Variants in THSD7A observed in about 807,000 individuals in gnomAD.
THSD7A encodes the protein thrombospondin type 1 domain containing 7A.
In THSD7A, 96 loss-of-function variants were observed where a neutral mutation model predicts 231.3. The observed-to-expected ratio is 0.41, with a 90% CI of 0.35 to 0.49. THSD7A has a LOEUF of 0.49. Among genes scored for constraint, THSD7A ranks in the 20% least tolerant of loss-of-function variants. The pLI, the probability that THSD7A is intolerant of heterozygous loss-of-function variation, is 0.05. For missense variants in THSD7A, 2,290 were observed against 2,070.2 expected (o/e 1.11, Z -2.06); for synonymous variants, 940 against 743.3 (o/e 1.26, Z -4.30).
intron 6 of THSD7A, among the ~76,000 whole-genome samples, chr7:11,538,997 C>T (rs1314054283): frequency 1.3e-5 from 2 of 152,136 alleles, no homozygotes; most frequent in Non-Finnish European, 2.9e-5. Context: ...TTTATTATTT[C>T]TTCAGTTCAC....
chr7:11,561,528 C>T (rs896776322), intron 4 of THSD7A, among the ~76,000 whole-genome samples: 1 of 152,016 alleles, frequency 6.6e-6, no homozygotes, highest in Non-Finnish European at 1.5e-5. Flanking sequence ...TATTTTAGTC[C>T]TCACAGAAAT....
At chr7:11,471,787 A>G (rs1583805546) in intron 8 of THSD7A, among the ~76,000 whole-genome samples, 1 of 152,234 alleles carries the variant, frequency 6.6e-6, no homozygotes, top group Admixed American at 6.5e-5. Flanking sequence ...TTTAACCTGC[A>G]TTCTTAACCA....
intron 1 of THSD7A, among the ~76,000 whole-genome samples, chr7:11,694,766 C>A (rs930688702): frequency 7.9e-5 from 12 of 151,538 alleles, no homozygotes; most frequent in Admixed American, 2.6e-4. Flanking sequence ...CCTATTCCAA[C>A]ATTTTTAACC....
At position 11,636,504 on chromosome 7, in the gene THSD7A, G is replaced by T. The variant is rs762116172; in HGVS notation, c.648C>A (p.His216Gln). 5.6e-6 allele frequency: 9 copies of T among 1,613,784 alleles called. No homozygotes were observed. In the Admixed American group the frequency reaches 1.5e-4, roughly 27 times the overall value. The change falls in exon 2 of 28, where the codon CAC becomes CAA. Residue 216 changes from histidine (H) to glutamine (Q), a missense_variant. Transcript: ENST00000423059. The surrounding 1 kb of genome is among the most constrained non-coding windows in gnomAD (Gnocchi z 10.0). ...CSKTCGSGLQ[H>Q]RTRHVVAPPQ... ...GGGGCGCCACCACATGACGCGTCCG[G>T]TGCTGGAGCCCGCTGCCGCAGGTCT...
chr7:11,697,414 A>G (rs1780436499), intron 1 of THSD7A, among the ~76,000 whole-genome samples: 1 of 151,368 alleles, frequency 6.6e-6, no homozygotes, highest in African/African-American at 2.4e-5. Context: ...TTCATATTTT[A>G]CAACTAAAAA....
intron 1 of THSD7A, among the ~76,000 whole-genome samples, chr7:11,690,352 T>A (rs1780193805): frequency 6.6e-6 from 1 of 151,740 alleles, no homozygotes; most frequent in African/African-American, 2.4e-5. Context: ...TAAATTAGGA[T>A]TAAGGCATAA....
chr7:11,802,094 G>A (rs1784292824), intron 1 of THSD7A, among the ~76,000 whole-genome samples: 1 of 152,076 alleles, frequency 6.6e-6, no homozygotes. Context: ...ATTTTCTCAA[G>A]GCTGAAATTT....
intron 1 of THSD7A, among the ~76,000 whole-genome samples, chr7:11,796,032 C>CTA (rs1784112672): frequency 1.3e-5 from 1 of 78,406 alleles, no homozygotes; most frequent in Non-Finnish European, 2.5e-5. Context: ...ATTAAATTAG[C>CTA]CATATATATA....
intron 1 of THSD7A, among the ~76,000 whole-genome samples, chr7:11,789,714 T>C (rs1012096534): frequency 6.6e-6 from 1 of 152,040 alleles, no homozygotes; most frequent in East Asian, 1.9e-4. Flanking sequence ...TTTACATCCA[T>C]TGGACAACTT....
At chr7:11,777,739 T>C (rs1395058467) in intron 1 of THSD7A, among the ~76,000 whole-genome samples, 1 of 152,172 alleles carries the variant, frequency 6.6e-6, no homozygotes, top group East Asian at 1.9e-4. Flanking sequence ...ATTAAATTAA[T>C]ATTTAACAGG....
intron 2 of THSD7A, among the ~76,000 whole-genome samples, chr7:11,619,025 T>C (rs910345257): frequency 2.6e-5 from 4 of 152,032 alleles, no homozygotes; most frequent in African/African-American, 4.8e-5. Flanking sequence ...ATTAAAAAAG[T>C]CTATTTCCAT....
chr7:11,385,930 C>T (rs1406683516), intron 23 of THSD7A, among the ~76,000 whole-genome samples: 3 of 152,150 alleles, frequency 2.0e-5, no homozygotes, highest in Admixed American at 6.6e-5. Context: ...CATATGTTCT[C>T]GTTGTTCAAC....
At chr7:11,594,038 G>A (rs1302113817) in intron 2 of THSD7A, among the ~76,000 whole-genome samples, 1 of 152,160 alleles carries the variant, frequency 6.6e-6, no homozygotes, top group Admixed American at 6.5e-5. Context: ...CTTAATCTGA[G>A]TGGACACCAT....
chr7:11,780,668 C>G (rs1783594264), intron 1 of THSD7A, among the ~76,000 whole-genome samples: 1 of 152,108 alleles, frequency 6.6e-6, no homozygotes, highest in Non-Finnish European at 1.5e-5. Context: ...CCCAGGGAAA[C>G]CATTTCCCAT....
chr7:11,680,433 A>T (rs1188200284), intron 1 of THSD7A, among the ~76,000 whole-genome samples: 1 of 152,182 alleles, frequency 6.6e-6, no homozygotes, highest in Non-Finnish European at 1.5e-5. Flanking sequence ...AATGGGAGAA[A>T]ATTTTTGCAA....
At chr7:11,766,616 T>A (rs1156232226) in intron 1 of THSD7A, among the ~76,000 whole-genome samples, 3 of 152,120 alleles carry the variant, frequency 2.0e-5, no homozygotes, top group Admixed American at 6.6e-5. Flanking sequence ...AATAAATATA[T>A]GAAACAAGCA....
intron 1 of THSD7A, among the ~76,000 whole-genome samples, chr7:11,778,112 C>A (rs571569145): frequency 7.0e-4 from 96 of 137,206 alleles, no homozygotes; most frequent in Non-Finnish European, 1.2e-3. Context: ...AGCCGAGATC[C>A]CGCCACTGCA....
chr7:11,640,736 TATA>T (rs1418539328), intron 1 of THSD7A, among the ~76,000 whole-genome samples: 1 of 152,092 alleles, frequency 6.6e-6, no homozygotes, highest in African/African-American at 2.4e-5. Flanking sequence ...CATATAAAAA[TATA>T]ATATTTTATT....
intron 4 of THSD7A, among the ~76,000 whole-genome samples, chr7:11,572,724 T>C (rs1025960091): frequency 1.3e-5 from 2 of 151,896 alleles, no homozygotes; most frequent in South Asian, 2.1e-4. Flanking sequence ...CAGGCTGGTC[T>C]CAAATTCCTG....
Sources: allele counts gnomAD v4.1 joint callset (sites outside exome capture counted in the v4.1 genomes callset), GRCh38; gene constraint gnomAD v4.1.1; non-coding constraint Gnocchi (gnomAD v3.1); transcripts MANE v1.5; gene names NCBI Gene and HGNC (gene_info 2026-07-23, HGNC 2026-07-21).